Variants in STYXL1 observed in about 807,000 individuals in gnomAD.
STYXL1 encodes serine/threonine/tyrosine interacting like 1.
STYXL1 carries 32 observed loss-of-function variants against 36.4 expected under a neutral mutation model. The ratio of observed to expected loss-of-function variants is 0.88; its 90% CI spans 0.66 to 1.18. The LOEUF (loss-of-function observed/expected upper bound fraction) is 1.18, where lower values mean the gene tolerates loss of function less well. Among genes scored for constraint, STYXL1 ranks in the 50% most tolerant of loss-of-function variants. STYXL1 has a pLI of 0.00. For missense variants in STYXL1, 354 were observed against 394.1 expected (o/e 0.90, Z 0.86); for synonymous variants, 133 against 144.1 (o/e 0.92, Z 0.55).
At chr7:76,034,532 T>C (rs1277237837) in intron 1 of STYXL1, among the ~76,000 whole-genome samples, 2 of 152,224 alleles carry the variant, frequency 1.3e-5, no homozygotes, top group Non-Finnish European at 2.9e-5. Flanking sequence ...TTGCAGACTG[T>C]TCCTCTCCAG....
chr7:76,019,271 A>T (rs1211629909), intron 4 of STYXL1, among the ~76,000 whole-genome samples: 1 of 151,342 alleles, frequency 6.6e-6, no homozygotes, highest in Non-Finnish European at 1.5e-5. Flanking sequence ...ATGAACTCTA[A>T]CTGTTTTTTT....
intron 7 of STYXL1, among the ~76,000 whole-genome samples, chr7:76,001,490 T>G (rs1478377452): frequency 1.3e-5 from 2 of 152,094 alleles, no homozygotes; most frequent in African/African-American, 4.8e-5. Context: ...CTCCTCTCTC[T>G]CCTTTCCTTC....
At chr7:75,996,647 C>CT in intron 8 of STYXL1, 48 bp from the exon 9 acceptor site, 1 of 1,593,254 alleles carries the variant, frequency 6.3e-7, no homozygotes, top group Non-Finnish European at 8.6e-7. Context: ...GTCCTGGGCC[C>CT]TTTCCACTTG....
intron 3 of STYXL1, among the ~76,000 whole-genome samples, chr7:76,027,678 C>T (rs1240359104): frequency 1.3e-5 from 2 of 151,870 alleles, no homozygotes; most frequent in Admixed American, 6.6e-5. Flanking sequence ...AAAAACAACA[C>T]ATAAAAACAG....
At chr7:76,030,844 C>G (rs1240078307) in intron 1 of STYXL1, among the ~76,000 whole-genome samples, 2 of 113,640 alleles carry the variant, frequency 1.8e-5, no homozygotes, top group African/African-American at 7.4e-5. Context: ...AAGACCCCAT[C>G]TCTACTAAAA....
At chr7:76,040,075 T>C (rs1336258492) in intron 1 of STYXL1, among the ~76,000 whole-genome samples, 1 of 152,196 alleles carries the variant, frequency 6.6e-6, no homozygotes, top group Non-Finnish European at 1.5e-5. Context: ...CTAAGCCTGC[T>C]AGACCCCTGA....
intron 1 of STYXL1, among the ~76,000 whole-genome samples, chr7:76,041,372 G>A (rs1034773491): frequency 4.6e-5 from 7 of 152,012 alleles, no homozygotes; most frequent in African/African-American, 1.5e-4. Context: ...GGGGTGAGGA[G>A]GGTGTGTTAT....
intron 1 of STYXL1, among the ~76,000 whole-genome samples, chr7:76,036,816 A>C (rs1464326499): frequency 1.4e-4 from 12 of 87,030 alleles, no homozygotes; most frequent in Admixed American, 4.8e-4. Flanking sequence ...ACGGAGTCCC[A>C]CTCTGTTGCC....
intron 1 of STYXL1, among the ~76,000 whole-genome samples, chr7:76,038,627 C>T (rs564951268): frequency 6.6e-6 from 1 of 151,724 alleles, no homozygotes; most frequent in East Asian, 2.0e-4. Context: ...GGGGTTTCAC[C>T]GTGTTAGCCA....
At chr7:76,040,574 C>G (rs1554581920) in intron 1 of STYXL1, among the ~76,000 whole-genome samples, 1 of 152,154 alleles carries the variant, frequency 6.6e-6, no homozygotes, top group African/African-American at 2.4e-5. Flanking sequence ...CACGGTGGCT[C>G]ACGCCTGCAA....
At chr7:76,030,328 G>T in intron 2 of STYXL1, 93 bp downstream of exon 2, 1 of 914,224 alleles carries the variant, frequency 1.1e-6, no homozygotes, top group Non-Finnish European at 1.8e-6. Context: ...GTCATTCACT[G>T]CCCCCCACCC....
In STYXL1 at chr7:76,021,903, C is replaced by A; in HGVS notation, c.255G>T (p.Glu85Asp). 2 of 1,613,832 alleles carry A rather than the reference C, an allele frequency of 1.2e-6. No homozygotes were observed. Among genetic ancestry groups the A allele is most frequent in the African/African-American group, 1.3e-5 (1 of 75,016 alleles). ...CATCATCATCATCTTTTAAGAGTATCTCCAGGGTGCTGCTGTTGTTATCAT... is the reference window on the plus strand; with the variant it reads ...CATCATCATCATCTTTTAAGAGTATATCCAGGGTGCTGCTGTTGTTATCAT... The part of the protein sequence containing the change: ...VVYDNNSSTL[E>D]ILLKDDDDDS... The change falls in exon 4 of 9, where the codon GAG (glutamate) becomes GAT (aspartate). Residue 85 changes from glutamate to aspartate, a missense_variant. Glu to Asp is a conservative substitution (Grantham distance 45, BLOSUM62 2). Transcript: ENST00000359697.
intron 5 of STYXL1, among the ~76,000 whole-genome samples, chr7:76,012,318 C>G (rs868932034): frequency 2.0e-5 from 3 of 152,104 alleles, no homozygotes; most frequent in Non-Finnish European, 2.9e-5. Context: ...CTTCGTCAAC[C>G]AGGCTGGAGT....
In STYXL1 at chr7:76,013,788, C is replaced by T. The variant is rs782281048; in HGVS notation, c.407G>A (p.Gly136Asp). 1.9e-6 allele frequency: 3 copies of T among 1,613,926 alleles called. No homozygotes were observed. Among genetic ancestry groups the T allele is most frequent in the East Asian group, 2.2e-5 (1 of 44,852 alleles). ...ILKGGYERFS[G>D]TYHFLRTQKI... is the part of the protein sequence containing the mutation. ...CTGGGTCCGGAGAAAGTGGTACGTG[C>T]CTGAGAAGCGCTCATAGCCCCCTTT... Residue 136 changes from glycine (G) to aspartate (D), a missense_variant, in exon 5 of 9, where the codon GGC (glycine) becomes GAC (aspartate). Gly to Asp is a moderately conservative substitution (Grantham distance 94). Transcript: ENST00000359697.
At chr7:76,044,686 C>T (rs1333620659) in intron 1 of STYXL1, 1 of 152,200 alleles carries the variant, frequency 6.6e-6, no homozygotes, top group Non-Finnish European at 1.5e-5. Flanking sequence ...CCCACAGTTC[C>T]TTTTTTCCCC....
At chr7:76,020,492 T>C (rs781968165) in intron 4 of STYXL1, among the ~76,000 whole-genome samples, 7 of 152,186 alleles carry the variant, frequency 4.6e-5, no homozygotes, top group Non-Finnish European at 1.0e-4. Context: ...CACGCTTTAA[T>C]GTTCTGACTT....
intron 1 of STYXL1, among the ~76,000 whole-genome samples, chr7:76,038,560 G>C (rs1171477230): frequency 1.3e-5 from 2 of 151,856 alleles, no homozygotes; most frequent in East Asian, 3.9e-4. Flanking sequence ...TGAGTAGCTG[G>C]GACTACAGGC....
chr7:76,047,472 T>C (rs965827534), intron 1 of STYXL1, among the ~76,000 whole-genome samples, 190 bp downstream of exon 1: 1 of 152,146 alleles, frequency 6.6e-6, no homozygotes, highest in Admixed American at 6.5e-5. Flanking sequence ...CCCTACAACC[T>C]ATTTGCTCAT....
chr7:76,000,815 C>T lies in STYXL1; in HGVS notation c.810+75G>A, dbSNP rs782151121. 3.9e-4 allele frequency: 537 copies of T among 1,360,188 alleles called. 2 individuals are homozygous for T. The highest frequency in any genetic ancestry group is 8.9e-5 in the Non-Finnish European group (85 of 952,546). The allele number at this position is 1,360,188 out of a possible 1,614,324, so 84.3% of individuals were successfully genotyped here. A position where few individuals can be genotyped will look rare whatever the true frequency, so the allele number is the denominator to read the frequency against. On this transcript the variant is annotated intron_variant, in intron 8 of 8. Coordinates refer to ENST00000359697, the MANE Select transcript of STYXL1 (RefSeq NM_001317785.2). Reference sequence around the variant, plus strand: ...CTCCCAAAGCAGTGCTGGGGCCCCACTCCTCCCAGGTTGCGCTCTGACCTC... The same window carrying T: ...CTCCCAAAGCAGTGCTGGGGCCCCATTCCTCCCAGGTTGCGCTCTGACCTC...
Sources: allele counts gnomAD v4.1 joint callset (sites outside exome capture counted in the v4.1 genomes callset), GRCh38; gene constraint gnomAD v4.1.1; transcripts MANE v1.5; gene names NCBI Gene and HGNC (gene_info 2026-07-23, HGNC 2026-07-21).